Variants in ACOX3 observed in about 807,000 individuals in gnomAD.
The protein encoded by ACOX3 is peroxisomal acyl-coenzyme A oxidase 3.
ACOX3 carries 73 observed loss-of-function variants against 81.5 expected under a neutral mutation model. The ratio of observed to expected loss-of-function variants is 0.90; its 90% CI spans 0.74 to 1.09. The LOEUF (loss-of-function observed/expected upper bound fraction) is 1.09, where lower values mean the gene tolerates loss of function less well. ACOX3 is among the 50% of genes least tolerant of loss of function. The pLI is 0.00. For missense variants in ACOX3, 947 were observed against 928.0 expected (o/e 1.02, Z -0.27); for synonymous variants, 387 against 375.1 (o/e 1.03, Z -0.37).
rs1721099495 is a variant in ACOX3 at position 8,407,321 on chromosome 4, C to A, written c.688-1278G>T. Among the ~76,000 whole-genome samples the A allele has an allele frequency of 6.6e-6, 1 of 152,136 alleles. No homozygotes were observed. The highest frequency in any genetic ancestry group is 1.5e-5 in the Non-Finnish European group (1 of 68,016). On this transcript the variant is annotated intron_variant, in intron 6 of 17. Transcript: ENST00000356406. This position sits in a 1 kb window ranked among gnomAD's most constrained non-coding sequence, Gnocchi z 4.6. The stretch of plus-strand genomic sequence containing the variant: ...ATATCTAAGATCTATATCTGGTATT[C>A]TTATTTTATATTTTATTACACTGGA...
intron 7 of ACOX3, among the ~76,000 whole-genome samples, chr4:8,401,115 T>C (rs1720320459): frequency 6.6e-6 from 1 of 151,994 alleles, no homozygotes; most frequent in African/African-American, 2.4e-5. Context: ...TATAAGAATC[T>C]AATGCCGCCA....
the ACOX3 span, among the ~76,000 whole-genome samples, chr4:8,359,203 C>T: frequency 2.6e-5 from 4 of 152,242 alleles, no homozygotes; most frequent in Non-Finnish European, 2.9e-5. This position sits in a 1 kb window ranked among gnomAD's most constrained non-coding sequence, Gnocchi z 6.0. Flanking sequence ...ATGGAAGGGA[C>T]GATACTGAGG....
chr4:8,412,097 C>T (rs1721792506), intron 5 of ACOX3, among the ~76,000 whole-genome samples: 1 of 152,256 alleles, frequency 6.6e-6, no homozygotes, highest in Non-Finnish European at 1.5e-5. Context: ...CCTCCTGGCA[C>T]TGCAGGCCAC....
Position 8,389,674 on chromosome 4 carries a change from T to C in ACOX3, c.1361A>G (p.Asn454Ser), listed in dbSNP as rs1361515260. Reference protein sequence around the residue: ...NDPNCTYEGDNNILLQQTSNY... With the variant: ...NDPNCTYEGDSNILLQQTSNY... ...GCTTGTCTGCTGCAGCAGGATGTTG[T>C]TGTCACCTTCGTATGTGCAGTTGGG... Residue 454 changes from asparagine (N) to serine (S), a missense_variant, in exon 12 of 18, where the codon AAC (asparagine) becomes AGC (serine). Transcript: ENST00000356406. This position sits in a 1 kb window ranked among gnomAD's most constrained non-coding sequence, Gnocchi z 5.3. The C allele has an allele frequency of 6.2e-7, 1 of 1,613,978 alleles. No individual in the cohort carries two copies. The highest frequency in any genetic ancestry group is 8.5e-7 in the Non-Finnish European group (1 of 1,180,006).
intron 13 of ACOX3, among the ~76,000 whole-genome samples, chr4:8,387,052 A>C (rs1323419656): frequency 1.3e-5 from 2 of 152,204 alleles, no homozygotes; most frequent in Non-Finnish European, 2.9e-5. Flanking sequence ...TGGTCTCCTG[A>C]ATGCAAAGCC....
rs1715505785 is a variant in ACOX3, at chr4:8,366,823, A to C, written c.*138T>G. On this transcript the variant is annotated 3_prime_UTR_variant, in exon 18 of 18. Transcript: ENST00000356406. Reference sequence around the variant, plus strand: ...CCCGTCCGCCTGGGCAGTTGAGGCCAATCAGCAGTTTAGGCGCACAGGTGC... The same window carrying C: ...CCCGTCCGCCTGGGCAGTTGAGGCCCATCAGCAGTTTAGGCGCACAGGTGC... The C allele has an allele frequency of 3.1e-6, 4 of 1,281,946 alleles. No homozygotes were observed. Among genetic ancestry groups the C allele is most frequent in the Admixed American group, 4.2e-5 (2 of 47,654 alleles). The allele number at this position is 1,281,946 out of a possible 1,614,324, so 79.4% of individuals were successfully genotyped here.
chr4:8,385,167 G>A lies in ACOX3; in HGVS notation c.1538-3560C>T, dbSNP rs115857634. Reference sequence around the variant, plus strand: ...CAAGGTCACAGCGGGGGGCAGTGCTGACCCAATAGCCTGTGCTCCCACCCT... The same window carrying A: ...CAAGGTCACAGCGGGGGGCAGTGCTAACCCAATAGCCTGTGCTCCCACCCT... On this transcript the variant is annotated intron_variant, in intron 13 of 17. Transcript: ENST00000356406. The surrounding 1 kb of genome is among the most constrained non-coding windows in gnomAD (Gnocchi z 5.5). Among the ~76,000 whole-genome samples, 1,050 of 152,260 alleles carry A rather than the reference G, an allele frequency of 6.9e-3. 13 individuals carry two copies. The highest frequency in any genetic ancestry group is 0.024 in the African/African-American group (1,002 of 41,536).
At chr4:8,375,581 G>C (rs368636874) in intron 14 of ACOX3, among the ~76,000 whole-genome samples, 2 of 152,286 alleles carry the variant, frequency 1.3e-5, no homozygotes, top group South Asian at 2.1e-4. Flanking sequence ...GGCTTGTCAG[G>C]CTCCTCCCTG....
rs1009343787 is a variant in ACOX3, at chr4:8,397,469, G to T, written c.874-350C>A. ...ATTCCAAGGCCCACCTTTAACCTTG[G>T]CAAGAATCAGATGTGGCCTGTACTG... On this transcript the variant is annotated intron_variant, in intron 8 of 17. Transcript: ENST00000356406. Among the ~76,000 whole-genome samples, 3 of 152,196 alleles carry T rather than the reference G, an allele frequency of 2.0e-5. No homozygotes were observed. The East Asian group carries it at 5.8e-4, about 29-fold the overall frequency.
In ACOX3 at chr4:8,384,454, C is replaced by T. The variant is rs190261222; in HGVS notation, c.1538-2847G>A. ...CTGACGGGCAGTGAATTCTCTTGCT[C>T]GGAATGCGGCTGCTGGCGGCCTGAG... On this transcript the variant is annotated intron_variant, in intron 13 of 17. Coordinates refer to ENST00000356406, the MANE Select transcript of ACOX3 (RefSeq NM_003501.3). This position sits in a 1 kb window ranked among gnomAD's most constrained non-coding sequence, Gnocchi z 5.3. Among the ~76,000 whole-genome samples the T allele has an allele frequency of 1.6e-3, 238 of 152,280 alleles. 2 individuals carry two copies. Among genetic ancestry groups the T allele is most frequent in the East Asian group, 1.9e-3 (10 of 5,178 alleles).
chr4:8,426,051 A>G (rs377012568), intron 1 of ACOX3, among the ~76,000 whole-genome samples: 54 of 152,230 alleles, frequency 3.5e-4, no homozygotes, highest in African/African-American at 1.2e-3. Context: ...AACTCCCCCC[A>G]AAAAGCAGGA....
At position 8,394,475 on chromosome 4, in the gene ACOX3, C is replaced by G; in HGVS notation, c.1179+145G>C. The G allele has an allele frequency of 7.6e-7, 1 of 1,311,714 alleles. No individual in the cohort carries two copies. Among genetic ancestry groups the G allele is most frequent in the East Asian group, 2.7e-5 (1 of 37,494 alleles). 81.3% of individuals were successfully genotyped at this position (1,311,714 alleles called of 1,614,324 possible). ...GTTCAATCGCGGCAGAGGCCAAGAGCTCCGAGTGGGTGGGAACAACTGGAG... is the reference window on the plus strand; with the variant it reads ...GTTCAATCGCGGCAGAGGCCAAGAGGTCCGAGTGGGTGGGAACAACTGGAG... On this transcript the variant is annotated intron_variant, in intron 10 of 17. Coordinates refer to ENST00000356406, the MANE Select transcript of ACOX3 (RefSeq NM_003501.3). The surrounding 1 kb of genome is among the most constrained non-coding windows in gnomAD (Gnocchi z 5.9).
chr4:8,427,462 C>T (rs1170411863), intron 1 of ACOX3, among the ~76,000 whole-genome samples: 2 of 152,228 alleles, frequency 1.3e-5, no homozygotes, highest in African/African-American at 4.8e-5. Flanking sequence ...CCCTCCAGAT[C>T]CAGCAGGGTG....
At position 8,407,531 on chromosome 4, in the gene ACOX3, G is replaced by A. The variant is rs746856219; in HGVS notation, c.688-1488C>T. On this transcript the variant is annotated intron_variant, in intron 6 of 17. Transcript: ENST00000356406. The surrounding 1 kb of genome is among the most constrained non-coding windows in gnomAD (Gnocchi z 4.6). ...CCGGCCTCCAGAGTTGGGAGAATAC[G>A]TTATGCTGTTTCGAGCGCCCTGCTT... Among the ~76,000 whole-genome samples the A allele has an allele frequency of 2.1e-4, 32 of 152,324 alleles. No homozygotes were observed. The highest frequency in any genetic ancestry group is 3.4e-3 in the Middle Eastern group (1 of 294).
intron 17 of ACOX3, among the ~76,000 whole-genome samples, chr4:8,369,601 G>A (rs557649964): frequency 8.0e-4 from 122 of 152,276 alleles, no homozygotes; most frequent in African/African-American, 2.8e-3. Context: ...CTGCCCACCC[G>A]GCTCCTGGCA....
In ACOX3 at chr4:8,367,834, A is replaced by AG. The variant is rs71175482; in HGVS notation, c.1984-755dup. ...AAAAAAAAAAAAAAAAAAAAAAAAA[A>AG]GCAAAAAATTAACTGGGCATGGAGG... On this transcript the variant is annotated intron_variant, in intron 17 of 17. Transcript: ENST00000356406. Among the ~76,000 whole-genome samples, 180 of 143,402 alleles carry AG rather than the reference A, an allele frequency of 1.3e-3. 4 individuals are homozygous for AG. Among genetic ancestry groups the AG allele is most frequent in the African/African-American group, 4.4e-3 (166 of 37,932 alleles). The allele number at this position is 143,402 out of a possible 152,430, so 94.1% of individuals were successfully genotyped here. A position where few individuals can be genotyped will look rare whatever the true frequency, so the allele number is the denominator to read the frequency against.
chr4:8,422,766 C>A (rs1723086712), intron 1 of ACOX3, among the ~76,000 whole-genome samples: 1 of 152,174 alleles, frequency 6.6e-6, no homozygotes, highest in East Asian at 1.9e-4. Context: ...GGGAGGAGAG[C>A]ATCTTACTTT....
At chr4:8,383,669 G>A (rs1224321258) in intron 13 of ACOX3, among the ~76,000 whole-genome samples, 3 of 152,156 alleles carry the variant, frequency 2.0e-5, no homozygotes, top group Admixed American at 6.5e-5. Flanking sequence ...TGCCCAGGCC[G>A]TGGCTCTCTG....
chr4:8,387,343 C>T (rs919211041), intron 13 of ACOX3, among the ~76,000 whole-genome samples: 2 of 152,198 alleles, frequency 1.3e-5, no homozygotes, highest in African/African-American at 4.8e-5. Flanking sequence ...GGACCGGGAT[C>T]AACCCCGGCA....
Sources: gnomAD v4.1 joint callset for allele counts (sites outside exome capture counted in the v4.1 genomes callset) on GRCh38, gnomAD v4.1.1 for gene constraint, Gnocchi (gnomAD v3.1) non-coding constraint, MANE v1.5 for transcripts, NCBI Gene and HGNC (gene_info 2026-07-23, HGNC 2026-07-21) for gene names.